The following NALCN variants were observed in gnomAD, a reference collection of about 807,000 sequenced individuals.
The protein encoded by NALCN is sodium leak channel NALCN.
A neutral mutation model predicts 225.3 loss-of-function variants in NALCN; 111 were observed. The ratio of observed to expected loss-of-function variants is 0.49; its 90% CI spans 0.42 to 0.58. NALCN has a LOEUF of 0.58. Among genes scored for constraint, NALCN ranks in the 20% least tolerant of loss-of-function variants. NALCN has a pLI of 0.00. For missense variants in NALCN, 1,378 were observed against 2,202.4 expected (o/e 0.63, Z 7.49); for synonymous variants, 764 against 769.0 (o/e 0.99, Z 0.11).
intron 9 of NALCN, among the ~76,000 whole-genome samples, chr13:101,290,981 A>G (rs2043531246): frequency 1.3e-5 from 2 of 152,310 alleles, no homozygotes; most frequent in Middle Eastern, 3.4e-3. Context: ...TAACACCACA[A>G]AAACACACAC....
At chr13:101,057,841 G>A in intron 43 of NALCN, 98 bp downstream of exon 43, 2 of 907,790 alleles carry the variant, frequency 2.2e-6, no homozygotes, top group South Asian at 2.6e-5. Context: ...AACTGTAGAT[G>A]CAGACTTGCA....
chr13:101,385,153 G>T (rs1023365591), intron 3 of NALCN, among the ~76,000 whole-genome samples: 4 of 152,070 alleles, frequency 2.6e-5, no homozygotes, highest in Non-Finnish European at 4.4e-5. Context: ...GCTGCCTCCT[G>T]TGCACAGCCC....
Position 101,074,674 on chromosome 13 carries a change from G to A in NALCN, c.3955-12C>T. 6.3e-7 allele frequency: 1 copy of A among 1,597,782 alleles called. No homozygotes were observed. The highest frequency in any genetic ancestry group is 8.5e-7 in the Non-Finnish European group (1 of 1,175,190). On this transcript the variant is annotated splice_polypyrimidine_tract_variant and intron_variant, in intron 35 of 43. Coordinates refer to ENST00000251127, the MANE Select transcript of NALCN (RefSeq NM_052867.4). ...ATCTTTAGCGTTACCTGGGGACCAGGGGTGGGAAGCGGGGAGACAGAGAGA... is the reference window on the plus strand; with the variant it reads ...ATCTTTAGCGTTACCTGGGGACCAGAGGTGGGAAGCGGGGAGACAGAGAGA...
intron 17 of NALCN, among the ~76,000 whole-genome samples, chr13:101,125,004 C>A (rs549987252): frequency 6.6e-6 from 1 of 152,212 alleles, no homozygotes; most frequent in African/African-American, 2.4e-5. Context: ...CTTTGATTAG[C>A]GCAATGTTCT....
chr13:101,376,450 G>T (rs527259883), intron 6 of NALCN, among the ~76,000 whole-genome samples: 1 of 152,038 alleles, frequency 6.6e-6, no homozygotes, highest in Non-Finnish European at 1.5e-5. Context: ...CCGGGATGCG[G>T]AGGTTGCAGT....
rs553597747 is a variant in NALCN at position 101,145,433 on chromosome 13, G to A, written c.1840-537C>T. ...AAATACCACATTTGGTCCATGCAGC[G>A]AGTTTTCCATTTGGCTGCAAACATG... On this transcript the variant is annotated intron_variant, in intron 15 of 43. Transcript: ENST00000251127. Among the ~76,000 whole-genome samples, 4 of 152,282 alleles carry A rather than the reference G, an allele frequency of 2.6e-5. No individual in the cohort carries two copies. In the South Asian group the frequency reaches 8.3e-4, roughly 32 times the overall value.
Position 101,229,537 on chromosome 13 carries a change from G to A in NALCN, c.1482C>T (p.Asp494=). ...RLIKISPALE[D]FVYKIFGPGK... is the part of the protein sequence containing the mutation. ...CAGGACCAAATATCTTGTACACAAA[G>A]TCTTCTAATGCAGGTGAAATCTTAA... The change falls in exon 13 of 44, where the codon GAC becomes GAT. Residue 494 remains aspartate (D), a synonymous_variant. Transcript: ENST00000251127. The A allele has an allele frequency of 6.2e-7, 1 of 1,609,926 alleles. No homozygotes were observed. The highest frequency in any genetic ancestry group is 1.1e-5 in the South Asian group (1 of 90,414).
intron 12 of NALCN, among the ~76,000 whole-genome samples, chr13:101,233,258 C>T (rs2041420817): frequency 6.6e-6 from 1 of 152,120 alleles, no homozygotes; most frequent in South Asian, 2.1e-4. Context: ...TCTTAAAGGT[C>T]ACTCTGTTGA....
At chr13:101,080,627 TATTTA>T (rs2033577551) in intron 34 of NALCN, among the ~76,000 whole-genome samples, 1 of 130,354 alleles carries the variant, frequency 7.7e-6, no homozygotes, top group South Asian at 2.5e-4. Flanking sequence ...TTAAATTAAT[TATTTA>T]ATTAAATATA....
Position 101,395,175 on chromosome 13 carries a change from G to A in NALCN, c.291+8C>T, listed in dbSNP as rs753988657. 2 of 1,609,710 alleles carry A rather than the reference G, an allele frequency of 1.2e-6. No individual in the cohort carries two copies. Among genetic ancestry groups the A allele is most frequent in the South Asian group, 2.2e-5 (2 of 90,298 alleles). ...GGTTCTTAGTTTAAATGACATGGAA[G>A]TGCTCACCTTGACAATGCCCCGGAT... On this transcript the variant is annotated splice_region_variant and intron_variant, in intron 3 of 43. Coordinates refer to ENST00000251127, the MANE Select transcript of NALCN (RefSeq NM_052867.4).
intron 17 of NALCN, among the ~76,000 whole-genome samples, chr13:101,132,665 A>C (rs765350482): frequency 6.6e-6 from 1 of 152,100 alleles, no homozygotes; most frequent in Non-Finnish European, 1.5e-5. Flanking sequence ...CATAAAAATT[A>C]AGTTGTCTAA....
chr13:101,136,285 C>A (rs1334295520), intron 17 of NALCN, among the ~76,000 whole-genome samples: 2 of 122,388 alleles, frequency 1.6e-5, no homozygotes, highest in Non-Finnish European at 3.2e-5. Flanking sequence ...TTATAGTACG[C>A]ATCGTTTTAT....
In NALCN at chr13:101,400,576, T is replaced by TGC. The variant is rs1158758863; in HGVS notation, c.-39-1412_-39-1411insGC. Among the ~76,000 whole-genome samples the TGC allele has an allele frequency of 5.8e-3, 633 of 109,650 alleles. 2 individuals carry two copies. Among genetic ancestry groups the TGC allele is most frequent in the Non-Finnish European group, 6.0e-3 (345 of 57,198 alleles). The allele number at this position is 109,650 out of a possible 152,430, so 71.9% of individuals were successfully genotyped here. A position where few individuals can be genotyped will look rare whatever the true frequency, so the allele number is the denominator to read the frequency against. On this transcript the variant is annotated intron_variant, in intron 1 of 43. Transcript: ENST00000251127. Reference sequence around the variant, plus strand: ...GTGTGTGTGTGTGTGTGTGTGTGTGTGTGTGCACGTGTGTGCGCGCGCACA... The same window carrying TGC: ...GTGTGTGTGTGTGTGTGTGTGTGTGTGCGTGTGCACGTGTGTGCGCGCGCACA...
At chr13:101,254,061 G>A (rs1266019130) in intron 11 of NALCN, among the ~76,000 whole-genome samples, 3 of 152,038 alleles carry the variant, frequency 2.0e-5, no homozygotes, top group South Asian at 2.1e-4. Flanking sequence ...AAACATACTT[G>A]GGGAAAGTCA....
intron 3 of NALCN, among the ~76,000 whole-genome samples, chr13:101,379,124 C>A (rs2046776082): frequency 6.6e-6 from 1 of 152,174 alleles, no homozygotes; most frequent in South Asian, 2.1e-4. Context: ...AAAAGCTCAT[C>A]ATCACTGGTC....
intron 18 of NALCN, among the ~76,000 whole-genome samples, chr13:101,118,505 T>C (rs190720517): frequency 6.6e-6 from 1 of 152,140 alleles, no homozygotes; most frequent in Admixed American, 6.5e-5. Flanking sequence ...TGCAAAAACA[T>C]ATATCTACAC....
At chr13:101,172,006 A>G (rs2038745236) in intron 15 of NALCN, among the ~76,000 whole-genome samples, 1 of 152,208 alleles carries the variant, frequency 6.6e-6, no homozygotes, top group Non-Finnish European at 1.5e-5. Context: ...TTTATTTAGC[A>G]GGTGCGGGCT....
chr13:101,083,814 C>A lies in NALCN; in HGVS notation c.3490-10G>T. The A allele has an allele frequency of 1.2e-6, 2 of 1,611,864 alleles. No individual in the cohort carries two copies. The highest frequency in any genetic ancestry group is 1.7e-5 in the Admixed American group (1 of 59,828). On this transcript the variant is annotated splice_polypyrimidine_tract_variant and intron_variant, in intron 30 of 43. Coordinates refer to ENST00000251127, the MANE Select transcript of NALCN (RefSeq NM_052867.4). Reference sequence around the variant, plus strand: ...TCAGCAAAGCCGTCCCCTTAACAGACAAAAGAAAGCAGGAAAAGGCCTTTT... The same window carrying A: ...TCAGCAAAGCCGTCCCCTTAACAGAAAAAAGAAAGCAGGAAAAGGCCTTTT...
At chr13:101,247,022 CCT>C (rs1392702659) in intron 11 of NALCN, among the ~76,000 whole-genome samples, 2 of 152,280 alleles carry the variant, frequency 1.3e-5, no homozygotes, top group East Asian at 3.9e-4. Context: ...ACGAGGTTAA[CCT>C]CTTTGTTGAC....
Sources: allele counts gnomAD v4.1 joint callset (sites outside exome capture counted in the v4.1 genomes callset), GRCh38; gene constraint gnomAD v4.1.1; transcripts MANE v1.5; gene names NCBI Gene and HGNC (gene_info 2026-07-23, HGNC 2026-07-21).